Variants in STX8 observed in about 807,000 individuals in gnomAD.
STX8 encodes syntaxin-8.
STX8 carries 23 observed loss-of-function variants against 37.5 expected under a neutral mutation model. The ratio of observed to expected loss-of-function variants is 0.61; its 90% CI spans 0.44 to 0.87. The LOEUF (loss-of-function observed/expected upper bound fraction) is 0.87. Ranked by LOEUF, STX8 falls within the 40% of genes least tolerant of loss-of-function variation. The pLI, the probability that STX8 is intolerant of heterozygous loss-of-function variation, is 0.00. For missense variants in STX8, 313 were observed against 284.7 expected (o/e 1.10, Z -0.71); for synonymous variants, 115 against 99.1 (o/e 1.16, Z -0.95).
chr17:9,368,313 G>T (rs962284506), intron 7 of STX8, among the ~76,000 whole-genome samples: 1 of 152,046 alleles, frequency 6.6e-6, no homozygotes, highest in Non-Finnish European at 1.5e-5. Context: ...GACCATCCTG[G>T]CTAACACAGT....
At chr17:9,397,133 C>A (rs1912432274) in intron 6 of STX8, among the ~76,000 whole-genome samples, 1 of 152,152 alleles carries the variant, frequency 6.6e-6, no homozygotes, top group African/African-American at 2.4e-5. Context: ...CGCGGTGGCC[C>A]ACGCCTGTAA....
At position 9,542,000 on chromosome 17, in the gene STX8, TTG is replaced by T. The variant is rs558731880; in HGVS notation, c.323+3170_323+3171del. Reference sequence around the variant, plus strand: ...CTCTGCAAGTACATGGTCTAAACATTTGTATTTTTTTTTTTTTTTCCATTCTC... The same window carrying T: ...CTCTGCAAGTACATGGTCTAAACATTTATTTTTTTTTTTTTTTCCATTCTC... On this transcript the variant is annotated intron_variant, in intron 4 of 7. Transcript: ENST00000306357. Among the ~76,000 whole-genome samples the T allele has an allele frequency of 3.2e-3, 416 of 129,330 alleles. 5 individuals carry two copies. In the South Asian group the frequency reaches 0.047, roughly 15 times the overall value. The allele number at this position is 129,330 out of a possible 152,430, so 84.8% of individuals were successfully genotyped here.
chr17:9,370,000 G>A (rs1027015240), intron 7 of STX8, among the ~76,000 whole-genome samples: 5 of 151,478 alleles, frequency 3.3e-5, no homozygotes, highest in African/African-American at 1.2e-4. Context: ...AATCACTTGA[G>A]GCTGGGGGGT....
At chr17:9,568,289 A>G in intron 2 of STX8, 82 bp downstream of exon 2, 2 of 1,004,078 alleles carry the variant, frequency 2.0e-6, no homozygotes, top group Non-Finnish European at 3.0e-6. Flanking sequence ...ATGTGCACAG[A>G]CAGCCTCAAA....
At position 9,484,898 on chromosome 17, in the gene STX8, T is replaced by A. The variant is rs1906517290; in HGVS notation, c.541+6931A>T. Among the ~76,000 whole-genome samples the A allele has an allele frequency of 2.0e-5, 3 of 152,226 alleles. No individual in the cohort carries two copies. The South Asian group carries it at 6.2e-4, about 32-fold the overall frequency. On this transcript the variant is annotated intron_variant, in intron 6 of 7. Transcript: ENST00000306357. The stretch of plus-strand genomic sequence containing the variant: ...CTGATGAACTTGAAGTGAGTCAGTA[T>A]GGTGGGGTGTGTAATTCTAGTGACA...
chr17:9,324,414 C>T (rs759526216), intron 7 of STX8, among the ~76,000 whole-genome samples: 53 of 151,974 alleles, frequency 3.5e-4, no homozygotes, highest in Non-Finnish European at 6.9e-4. Flanking sequence ...GACAGTTCTC[C>T]ACCCTGTGAG....
chr17:9,262,558 GTTTTTTGTT>G (rs1247777043), intron 7 of STX8, among the ~76,000 whole-genome samples: 5 of 150,496 alleles, frequency 3.3e-5, no homozygotes, highest in African/African-American at 5.0e-5. Flanking sequence ...GTTTTTTGGT[GTTTTTTGTT>G]TTTTTTGTTT....
chr17:9,386,612 C>A (rs1912023626), intron 6 of STX8, among the ~76,000 whole-genome samples: 1 of 151,944 alleles, frequency 6.6e-6, no homozygotes, highest in African/African-American at 2.4e-5. Flanking sequence ...AAAACAAATG[C>A]CTTAGAATAA....
chr17:9,557,462 A>G lies in STX8; in HGVS notation c.184T>C (p.Leu62=), dbSNP rs549921094. ...KEKIALLKDL[L]LRAVSTHQIT... ...TGATGTGTTGACACAGCTCTTAGCAATAAGTCCTTCAAAAGGGCGATCTTT... is the reference window on the plus strand; with the variant it reads ...TGATGTGTTGACACAGCTCTTAGCAGTAAGTCCTTCAAAAGGGCGATCTTT... Residue 62 remains leucine (L), a synonymous_variant, in exon 3 of 8, where the codon TTG becomes CTG. Coordinates refer to ENST00000306357, the MANE Select transcript of STX8 (RefSeq NM_004853.3). 1.9e-6 allele frequency: 3 copies of G among 1,613,992 alleles called. No individual in the cohort carries two copies. Among genetic ancestry groups the G allele is most frequent in the African/African-American group, 1.3e-5 (1 of 75,050 alleles).
chr17:9,337,523 T>G (rs538715308), intron 7 of STX8, among the ~76,000 whole-genome samples: 1 of 152,228 alleles, frequency 6.6e-6, no homozygotes, highest in South Asian at 2.1e-4. Flanking sequence ...CACGCCACCA[T>G]GCCCCGCTAA....
chr17:9,297,729 A>G (rs113522386), intron 7 of STX8, among the ~76,000 whole-genome samples: 94 of 152,314 alleles, frequency 6.2e-4, no homozygotes, highest in Non-Finnish European at 1.2e-3. Context: ...CAGTAAAATT[A>G]GCCAGGCATG....
At chr17:9,414,177 C>A (rs1377769060) in intron 6 of STX8, among the ~76,000 whole-genome samples, 1 of 134,068 alleles carries the variant, frequency 7.5e-6, no homozygotes, top group Non-Finnish European at 1.6e-5. Context: ...TGCCAGCATC[C>A]AAGAGGTGGC....
intron 2 of STX8, among the ~76,000 whole-genome samples, chr17:9,562,611 AAAATAT>A (rs199747147): frequency 0.18 from 3,750 of 21,316 alleles, 72 homozygotes; most frequent in East Asian, 0.51. Context: ...GAAAAAAAAA[AAAATAT>A]ATATATATAT....
At chr17:9,444,471 G>A (rs1336398662) in intron 6 of STX8, among the ~76,000 whole-genome samples, 1 of 152,128 alleles carries the variant, frequency 6.6e-6, no homozygotes, top group Non-Finnish European at 1.5e-5. Flanking sequence ...GTTTAGATCT[G>A]GTCCTTCCTT....
intron 7 of STX8, among the ~76,000 whole-genome samples, chr17:9,331,333 C>T (rs1199896393): frequency 6.6e-6 from 1 of 151,482 alleles, no homozygotes; most frequent in African/African-American, 2.4e-5. Flanking sequence ...TCCCCCTCCA[C>T]CCTAGCCCCA....
At chr17:9,393,512 G>A (rs1443941832) in intron 6 of STX8, among the ~76,000 whole-genome samples, 2 of 152,152 alleles carry the variant, frequency 1.3e-5, no homozygotes, top group Non-Finnish European at 2.9e-5. Flanking sequence ...ATGCACGTAA[G>A]TATAATACAT....
Position 9,503,996 on chromosome 17 carries a change from T to G in STX8, c.448+1042A>C, listed in dbSNP as rs184308410. The stretch of plus-strand genomic sequence containing the variant: ...CCAGGCTGGTCTCGAACTCCTGATC[T>G]CAGGTGATCCTCCTGCCTCAGCCTC... On this transcript the variant is annotated intron_variant, in intron 5 of 7. Transcript: ENST00000306357. Among the ~76,000 whole-genome samples the G allele has an allele frequency of 8.2e-3, 1,251 of 152,284 alleles. 19 individuals carry two copies. The highest frequency in any genetic ancestry group is 0.029 in the African/African-American group (1,198 of 41,546).
intron 4 of STX8, among the ~76,000 whole-genome samples, chr17:9,530,920 T>C (rs1216033043): frequency 1.3e-5 from 2 of 152,234 alleles, no homozygotes; most frequent in African/African-American, 4.8e-5. Context: ...TTCTCCTGTT[T>C]TCTTCTAAAA....
chr17:9,337,393 T>A (rs1331937436), intron 7 of STX8, among the ~76,000 whole-genome samples: 1 of 152,220 alleles, frequency 6.6e-6, no homozygotes, highest in Non-Finnish European at 1.5e-5. Flanking sequence ...TTATTTCTTT[T>A]TTTGAGATCG....
Sources: allele counts gnomAD v4.1 joint callset (sites outside exome capture counted in the v4.1 genomes callset), GRCh38; gene constraint gnomAD v4.1.1; transcripts MANE v1.5; gene names NCBI Gene and HGNC (gene_info 2026-07-23, HGNC 2026-07-21).